Variants in CSMD1 observed in about 807,000 individuals in gnomAD.
The protein encoded by CSMD1 is CUB and sushi domain-containing protein 1.
A neutral mutation model predicts 417.5 loss-of-function variants in CSMD1; 213 were observed. The ratio of observed to expected loss-of-function variants is 0.51; its 90% confidence interval spans 0.46 to 0.57. The LOEUF (loss-of-function observed/expected upper bound fraction) is 0.57. CSMD1 is among the 20% of genes least tolerant of loss of function. CSMD1 has a pLI of 0.00. For missense variants in CSMD1, 6,923 were observed against 4,529.7 expected (o/e 1.53, Z -15.17); for synonymous variants, 2,862 against 1,736.8 (o/e 1.65, Z -16.11).
At chr8:4,033,790 A>G (rs547287922) in intron 3 of CSMD1, among the ~76,000 whole-genome samples, 25 of 152,288 alleles carry the variant, frequency 1.6e-4, no homozygotes, top group Admixed American at 7.8e-4. Flanking sequence ...CCTTGATATG[A>G]TTCTCTATCT....
chr8:3,924,215 T>C (rs1193862033), intron 5 of CSMD1, among the ~76,000 whole-genome samples: 1 of 152,192 alleles, frequency 6.6e-6, no homozygotes, highest in Non-Finnish European at 1.5e-5. Context: ...TATCGATCCA[T>C]TTTTTCCTGG....
chr8:4,622,704 A>G (rs894031757), intron 2 of CSMD1, among the ~76,000 whole-genome samples: 1 of 152,164 alleles, frequency 6.6e-6, no homozygotes, highest in Non-Finnish European at 1.5e-5. Flanking sequence ...AGAATTCATT[A>G]CATCCCACCT....
At chr8:3,181,451 G>A (rs981911413) in intron 36 of CSMD1, among the ~76,000 whole-genome samples, 1 of 152,086 alleles carries the variant, frequency 6.6e-6, no homozygotes, top group South Asian at 2.1e-4. Flanking sequence ...CCTTTCTCTT[G>A]TACAAAAACT....
chr8:4,136,997 G>C (rs576482513), intron 3 of CSMD1, among the ~76,000 whole-genome samples: 1 of 152,218 alleles, frequency 6.6e-6, no homozygotes, highest in Non-Finnish European at 1.5e-5. Context: ...TGGGCACAGT[G>C]AGAAACCAAG....
At chr8:3,714,784 T>G (rs1801734444) in intron 6 of CSMD1, among the ~76,000 whole-genome samples, 1 of 151,936 alleles carries the variant, frequency 6.6e-6, no homozygotes, top group African/African-American at 2.4e-5. Context: ...GCTTATTGGT[T>G]ATTTGGAGCA....
chr8:3,338,305 A>C (rs1467821949), intron 23 of CSMD1, among the ~76,000 whole-genome samples: 1 of 152,224 alleles, frequency 6.6e-6, no homozygotes, highest in Admixed American at 6.5e-5. Context: ...GCGTTTCTTG[A>C]CAAGTTGAGT....
intron 54 of CSMD1, among the ~76,000 whole-genome samples, chr8:2,981,758 G>A (rs1246237631): frequency 1.3e-5 from 2 of 152,160 alleles, no homozygotes. Flanking sequence ...ATGTGGAAAG[G>A]TAAAAGAAGA....
At chr8:4,018,795 A>T (rs2740937) in intron 4 of CSMD1, among the ~76,000 whole-genome samples, 3 of 152,004 alleles carry the variant, frequency 2.0e-5, no homozygotes, top group African/African-American at 4.8e-5. Context: ...TCCAGGGTCA[A>T]ATTCTGCCTT....
At chr8:4,052,360 G>C (rs1385358966) in intron 3 of CSMD1, among the ~76,000 whole-genome samples, 2 of 152,182 alleles carry the variant, frequency 1.3e-5, no homozygotes, top group African/African-American at 2.4e-5. Flanking sequence ...ACACTCACGT[G>C]TATGCTATTT....
intron 23 of CSMD1, among the ~76,000 whole-genome samples, chr8:3,321,300 C>T (rs1806138202): frequency 6.6e-6 from 1 of 152,158 alleles, no homozygotes; most frequent in African/African-American, 2.4e-5. Context: ...ATCCTGCCAT[C>T]TGGTGATGCC....
chr8:4,895,579 T>G (rs991476840), intron 1 of CSMD1, among the ~76,000 whole-genome samples: 2 of 152,124 alleles, frequency 1.3e-5, no homozygotes, highest in Non-Finnish European at 2.9e-5. Context: ...TTCAAAGGTA[T>G]TGATTATAGT....
chr8:4,098,253 G>T (rs998012054), intron 3 of CSMD1, among the ~76,000 whole-genome samples: 1 of 152,070 alleles, frequency 6.6e-6, no homozygotes, highest in African/African-American at 2.4e-5. Context: ...TAAATACAAT[G>T]TACTTCAGAT....
At chr8:4,138,205 A>ATTTTT (rs562419797) in intron 3 of CSMD1, among the ~76,000 whole-genome samples, 1 of 69,466 alleles carries the variant, frequency 1.4e-5, no homozygotes, top group African/African-American at 4.0e-5. Context: ...GCAGCCTTAC[A>ATTTTT]TTTTTTTTTT....
chr8:3,033,987 C>G (rs926475308), intron 50 of CSMD1, among the ~76,000 whole-genome samples: 22 of 152,246 alleles, frequency 1.4e-4, no homozygotes, highest in African/African-American at 2.4e-4. Flanking sequence ...AGTCAGACCA[C>G]CCCCTAGTCG....
chr8:4,312,802 T>C (rs1465070206), intron 3 of CSMD1, among the ~76,000 whole-genome samples: 7 of 151,706 alleles, frequency 4.6e-5, no homozygotes, highest in Non-Finnish European at 1.0e-4. Context: ...TGAACCAGGG[T>C]GGTGGAGGTT....
chr8:4,334,214 TTC>T (rs1184964893), intron 3 of CSMD1, among the ~76,000 whole-genome samples: 7 of 152,092 alleles, frequency 4.6e-5, no homozygotes, highest in Non-Finnish European at 1.0e-4. Flanking sequence ...GCCCTTAAAA[TTC>T]TGTTTGTATC....
At chr8:3,900,236 G>T (rs577816400) in intron 5 of CSMD1, among the ~76,000 whole-genome samples, 113 of 151,460 alleles carry the variant, frequency 7.5e-4, no homozygotes, top group Non-Finnish European at 1.4e-3. Flanking sequence ...GTTAACAGTG[G>T]AGCTGGGTAA....
At chr8:3,470,408 G>T (rs374256882) in intron 11 of CSMD1, among the ~76,000 whole-genome samples, 1 of 152,130 alleles carries the variant, frequency 6.6e-6, no homozygotes, top group African/African-American at 2.4e-5. Context: ...AATATAAAGA[G>T]ATTACATGTA....
At chr8:4,951,213 C>G (rs1212756062) in intron 1 of CSMD1, among the ~76,000 whole-genome samples, 1 of 152,054 alleles carries the variant, frequency 6.6e-6, no homozygotes, top group Non-Finnish European at 1.5e-5. Context: ...TCCATATGGT[C>G]CACATTAATC....
Sources: gnomAD v4.1 joint callset for allele counts (sites outside exome capture counted in the v4.1 genomes callset) on GRCh38, gnomAD v4.1.1 for gene constraint, MANE v1.5 for transcripts, NCBI Gene and HGNC (gene_info 2026-07-23, HGNC 2026-07-21) for gene names.